The following IQCE variants were observed in gnomAD, a reference collection of about 807,000 sequenced individuals.
IQCE encodes the protein IQ motif containing E, also known as IQ domain-containing protein E.
A neutral mutation model predicts 96.0 loss-of-function variants in IQCE; 115 were observed. The observed-to-expected ratio is 1.20, with a 90% confidence interval of 1.03 to 1.40. The LOEUF is 1.40. Among genes scored for constraint, IQCE ranks in the 40% most tolerant of loss-of-function variants. The pLI is 0.00. For missense variants in IQCE, 1,041 were observed against 909.1 expected (o/e 1.15, Z -1.87); for synonymous variants, 412 against 371.2 (o/e 1.11, Z -1.26).
intron 15 of IQCE, among the ~76,000 whole-genome samples, chr7:2,594,326 T>G (rs1783849584): frequency 6.6e-6 from 1 of 152,178 alleles, no homozygotes; most frequent in African/African-American, 2.4e-5. Context: ...GTCAGAAGAC[T>G]TGAATTAAAG....
At chr7:2,604,732 C>T (rs548294815) in intron 18 of IQCE, 149 bp from the exon 19 acceptor site, 97 of 605,608 alleles carry the variant, frequency 1.6e-4, no homozygotes, top group African/African-American at 1.5e-3. Context: ...GGAGCACGGA[C>T]GGCTCTTTGA....
At chr7:2,592,484 TCA>T (rs1783679283) in intron 14 of IQCE, among the ~76,000 whole-genome samples, 2 of 152,170 alleles carry the variant, frequency 1.3e-5, no homozygotes, top group Non-Finnish European at 2.9e-5. Flanking sequence ...ATACAGAGAC[TCA>T]CAGGCCCTGA....
intron 21 of IQCE, among the ~76,000 whole-genome samples, chr7:2,608,706 G>A (rs1015491544): frequency 1.2e-4 from 19 of 152,346 alleles, no homozygotes; most frequent in African/African-American, 3.8e-4. Context: ...GGGCTAAAGC[G>A]TGCGTTGATG....
intron 10 of IQCE, among the ~76,000 whole-genome samples, chr7:2,583,953 G>T (rs1283391556): frequency 1.9e-5 from 2 of 106,538 alleles, no homozygotes; most frequent in Non-Finnish European, 4.0e-5. Context: ...CGAGCTGGGC[G>T]GCGGGGCGGA....
At position 2,610,047 on chromosome 7, in the gene IQCE, C is replaced by A. The variant is rs752964612; in HGVS notation, c.1973C>A (p.Pro658His). The A allele has an allele frequency of 1.9e-5, 30 of 1,569,606 alleles. No homozygotes were observed. The highest frequency in any genetic ancestry group is 2.5e-5 in the Non-Finnish European group (28 of 1,139,492). Residue 658 changes from proline to histidine, a missense_variant, in exon 22 of 22, where the codon CCC becomes CAC. Coordinates refer to ENST00000402050, the MANE Select transcript of IQCE (RefSeq NM_152558.5). ...TCCCTGTGGTTCATTTCTGCAGACCCCTCTCCCTCAGGGCCACAGGCCTTG... is the reference window on the plus strand; with the variant it reads ...TCCCTGTGGTTCATTTCTGCAGACCACTCTCCCTCAGGGCCACAGGCCTTG... ...SPPFLAALPD[P>H]SPSGPQALAP...
At chr7:2,580,808 A>G (rs941150926) in intron 8 of IQCE, among the ~76,000 whole-genome samples, 8 of 152,232 alleles carry the variant, frequency 5.3e-5, no homozygotes, top group African/African-American at 1.4e-4. Context: ...CCCTGAATGC[A>G]CACACACGGC....
chr7:2,610,289 C>A lies in IQCE; in HGVS notation c.*127C>A. 1 of 678,236 alleles carries A rather than the reference C, an allele frequency of 1.5e-6. No homozygotes were observed. Among genetic ancestry groups the A allele is most frequent in the Non-Finnish European group, 2.7e-6 (1 of 373,534 alleles). The allele number at this position is 678,236 out of a possible 1,614,324, so 42.0% of individuals were successfully genotyped here. On this transcript the variant is annotated 3_prime_UTR_variant, in exon 22 of 22. Transcript: ENST00000402050. ...CTACTTAACACCTCAGCATCTGCGT[C>A]GTGTCTCTTTGTGCTTTTGTTTGTG...
At chr7:2,603,012 G>A (rs565821829) in intron 18 of IQCE, among the ~76,000 whole-genome samples, 26 of 152,254 alleles carry the variant, frequency 1.7e-4, no homozygotes, top group African/African-American at 2.9e-4. Flanking sequence ...CTCAGCCTTC[G>A]GTTCTGCAGC....
intron 20 of IQCE, 125 bp downstream of exon 20, chr7:2,606,122 C>A: frequency 1.7e-6 from 2 of 1,202,706 alleles, no homozygotes; most frequent in Non-Finnish European, 1.1e-6. Flanking sequence ...CGCCTGCCAG[C>A]GGGACCTCGG....
In IQCE at chr7:2,598,548, G is replaced by A. The variant is rs757251506; in HGVS notation, c.1524G>A (p.Pro508=). The A allele has an allele frequency of 1.9e-6, 3 of 1,610,786 alleles. No homozygotes were observed. The highest frequency in any genetic ancestry group is 1.7e-5 in the Admixed American group (1 of 59,460). Reference sequence around the variant, plus strand: ...CGGATTCCAGCGAGGAGGGGCTCCCGCGGCCCCGCTCCCCCTGCTCTGATG... The same window carrying A: ...CGGATTCCAGCGAGGAGGGGCTCCCACGGCCCCGCTCCCCCTGCTCTGATG... ...WPPDSSEEGL[P]RPRSPCSDGR... Residue 508 remains proline, a synonymous_variant, in exon 17 of 22, where the codon CCG becomes CCA. Coordinates refer to ENST00000402050, the MANE Select transcript of IQCE (RefSeq NM_152558.5).
At chr7:2,568,692 G>A (rs1482702597) in intron 2 of IQCE, among the ~76,000 whole-genome samples, 1 of 152,204 alleles carries the variant, frequency 6.6e-6, no homozygotes, top group Non-Finnish European at 1.5e-5. Context: ...CAGTCTGAAC[G>A]TCAGGAGCCC....
chr7:2,563,660 C>T (rs573293621), intron 1 of IQCE, among the ~76,000 whole-genome samples: 4 of 151,932 alleles, frequency 2.6e-5, no homozygotes, highest in South Asian at 2.1e-4. Context: ...TTTCGGAGGC[C>T]GAGGCGGGCG....
intron 5 of IQCE, chr7:2,572,731 A>G: frequency 2.2e-6 from 1 of 457,706 alleles, no homozygotes; most frequent in African/African-American, 2.0e-5. Context: ...TTTTTTAGAG[A>G]CGGAATCTCG....
intron 1 of IQCE, among the ~76,000 whole-genome samples, chr7:2,563,333 A>C (rs1341972481): frequency 6.6e-6 from 1 of 151,408 alleles, no homozygotes; most frequent in Admixed American, 6.6e-5. Context: ...TGTAGTTGGG[A>C]CCACAGACAT....
intron 12 of IQCE, among the ~76,000 whole-genome samples, chr7:2,587,139 A>G (rs1253398121): frequency 6.6e-6 from 1 of 152,132 alleles, no homozygotes; most frequent in Non-Finnish European, 1.5e-5. Flanking sequence ...GAGAGGGAGC[A>G]GCCAGGCTCC....
At chr7:2,598,412 T>C in intron 16 of IQCE, 53 bp from the exon 17 acceptor site, 3 of 1,493,836 alleles carry the variant, frequency 2.0e-6, no homozygotes, top group Non-Finnish European at 2.7e-6. Flanking sequence ...TGCCGGATAC[T>C]GGTTGTCCCT....
At chr7:2,594,003 T>TG (rs1412157849) in intron 15 of IQCE, among the ~76,000 whole-genome samples, 1 of 152,200 alleles carries the variant, frequency 6.6e-6, no homozygotes, top group Non-Finnish European at 1.5e-5. Flanking sequence ...GGCTCATGCC[T>TG]GTAATCGCAG....
intron 3 of IQCE, among the ~76,000 whole-genome samples, chr7:2,570,159 C>T (rs1781659053): frequency 6.6e-6 from 1 of 152,146 alleles, no homozygotes; most frequent in Non-Finnish European, 1.5e-5. Context: ...TTTTCATCGT[C>T]CTGGTCACTC....
chr7:2,569,025 C>G, intron 3 of IQCE, 26 bp downstream of exon 3: 1 of 1,609,732 alleles, frequency 6.2e-7, no homozygotes, highest in Non-Finnish European at 8.5e-7. Flanking sequence ...CCTGCCTTCC[C>G]TCTCACGCCG....
Sources: gnomAD v4.1 joint callset for allele counts (sites outside exome capture counted in the v4.1 genomes callset) on GRCh38, gnomAD v4.1.1 for gene constraint, MANE v1.5 for transcripts, NCBI Gene and HGNC (gene_info 2026-07-23, HGNC 2026-07-21) for gene names.